CTNND1: variants seen among roughly 807,000 people sequenced by gnomAD.
CTNND1 encodes the protein catenin delta-1.
CTNND1 carries 16 observed loss-of-function variants against 112.1 expected under a neutral mutation model. That is an observed-to-expected ratio of 0.14 (90% confidence interval 0.10 to 0.22). The LOEUF is 0.22. Ranked by LOEUF, CTNND1 falls within the 10% of genes least tolerant of loss-of-function variation. CTNND1 has a pLI of 1.00. For synonymous variants in CTNND1, 420 were observed against 446.5 expected (o/e 0.94, Z 0.75); for missense variants, 1,008 against 1,257.0 (o/e 0.80, Z 3.00).
intron 8 of CTNND1, 65 bp from the exon 9 acceptor site, chr11:57,804,598 T>G: frequency 8.4e-7 from 1 of 1,185,652 alleles, no homozygotes; most frequent in Non-Finnish European, 1.2e-6. Flanking sequence ...CTTGTAGGTG[T>G]TGAGGGATAT....
chr11:57,770,217 C>T (rs1005794329), intron 1 of CTNND1, among the ~76,000 whole-genome samples: 4 of 151,956 alleles, frequency 2.6e-5, no homozygotes, highest in African/African-American at 9.7e-5. Flanking sequence ...GTAATCCCAG[C>T]TACTCGGGAA....
At position 57,796,646 on chromosome 11, in the gene CTNND1, A is replaced by C. The variant is rs2061390975; in HGVS notation, c.610A>C (p.Arg204=). ...VGQAGTATLP[R]NFHYPPDGYS... ...GCAAGCTGGCACTGCTACCCTTCCT[A>C]GGAACTTCCACTACCCTCCTGATGG... is the stretch of plus-strand genomic sequence containing the variant. The change falls in exon 6 of 21, where the codon AGG becomes CGG. Residue 204 remains arginine (R), a synonymous_variant. Coordinates refer to ENST00000399050, the MANE Select transcript of CTNND1 (RefSeq NM_001085458.2). 1.9e-6 allele frequency: 3 copies of C among 1,613,868 alleles called. No homozygotes were observed. The African/African-American group carries it at 4.0e-5, about 22-fold the overall frequency.
rs2062059212 is a variant in CTNND1, at chr11:57,802,034, C to T, written c.1258C>T (p.Pro420Ser). The change falls in exon 7 of 21, where the codon CCC becomes TCC. Residue 420 changes from proline (P) to serine (S), a missense_variant. By Grantham distance (74) the Pro-to-Ser change is moderately conservative. Transcript: ENST00000399050. ...AGTACTGGTGGGATTGTTAGACCAT[C>T]CCAAAAAGGAAGTGCACCTTGGAGC... ...IPVLVGLLDH[P>S]KKEVHLGACG... 1 of 1,613,888 alleles carries T rather than the reference C, an allele frequency of 6.2e-7. No homozygotes were observed. Among genetic ancestry groups the T allele is most frequent in the Non-Finnish European group, 8.5e-7 (1 of 1,179,900 alleles).
At chr11:57,793,914 G>T (rs1346796619) in intron 3 of CTNND1, 96 bp from the exon 4 acceptor site, 1 of 1,218,046 alleles carries the variant, frequency 8.2e-7, no homozygotes, top group East Asian at 2.3e-5. Context: ...ATATCTTCTT[G>T]AAAGCCCTTT....
At chr11:57,804,449 T>C (rs1038433391) in intron 8 of CTNND1, among the ~76,000 whole-genome samples, 1 of 152,216 alleles carries the variant, frequency 6.6e-6, no homozygotes, top group African/African-American at 2.4e-5. Flanking sequence ...CTGCATCTGG[T>C]ACATATCATT....
chr11:57,815,840 G>C (rs1485956117), intron 19 of CTNND1, 75 bp from the exon 20 acceptor site: 6 of 1,296,130 alleles, frequency 4.6e-6, no homozygotes, highest in Non-Finnish European at 6.5e-6. Context: ...CAAATTTTCA[G>C]AGTTTCCCTA....
Position 57,815,922 on chromosome 11 carries a change from A to AG in CTNND1, c.2820dup (p.Gln941AlafsTer15). The AG allele has an allele frequency of 6.2e-7, 1 of 1,607,990 alleles. No individual in the cohort carries two copies. Among genetic ancestry groups the AG allele is most frequent in the Admixed American group, 1.7e-5 (1 of 58,150 alleles). Reference sequence around the variant, plus strand: ...AATTGCATGTGTTCACAGCAGGACGAGGGGCAGGAATCTCTGGAGGAAGAG... The same window carrying AG: ...AATTGCATGTGTTCACAGCAGGACGAGGGGGCAGGAATCTCTGGAGGAAGAG... On this transcript the variant is annotated frameshift_variant, in exon 20 of 21. Transcript: ENST00000399050. LOFTEE classifies it high-confidence loss of function.
rs373027764 is a variant in CTNND1 at position 57,801,713 on chromosome 11, G to T, written c.957-20G>T. ...CATAATGACTTGATGTATTCTCTTG[G>T]TTCTTCCAAAACTTCTCAGGAGCTA... On this transcript the variant is annotated intron_variant, in intron 6 of 20. Coordinates refer to ENST00000399050, the MANE Select transcript of CTNND1 (RefSeq NM_001085458.2). The T allele has an allele frequency of 1.3e-6, 2 of 1,595,170 alleles. No individual in the cohort carries two copies. The highest frequency in any genetic ancestry group is 2.7e-5 in the African/African-American group (2 of 74,414).
chr11:57,798,869 G>C (rs1311040021), intron 6 of CTNND1, among the ~76,000 whole-genome samples: 1 of 152,162 alleles, frequency 6.6e-6, no homozygotes, highest in Non-Finnish European at 1.5e-5. Flanking sequence ...ACAAAAACAG[G>C]TTTGGCCCAT....
At chr11:57,793,300 CAG>C (rs11570191) in intron 3 of CTNND1, 37,913 of 152,042 alleles carry the variant, frequency 0.25, 5,519 homozygotes, top group Non-Finnish European at 0.33. Context: ...CTGCTTAAGA[CAG>C]AGCAACTTCT....
chr11:57,765,921 G>A (rs1443483718), intron 1 of CTNND1, among the ~76,000 whole-genome samples: 11 of 152,084 alleles, frequency 7.2e-5, no homozygotes, highest in African/African-American at 2.4e-4. Context: ...CTGTGATCCC[G>A]GCAGTTTGGG....
intron 1 of CTNND1, among the ~76,000 whole-genome samples, chr11:57,772,271 C>T (rs541526352): frequency 1.3e-4 from 20 of 152,144 alleles, no homozygotes; most frequent in African/African-American, 4.8e-4. Context: ...GTATATTTCT[C>T]CATCTTCTTA....
chr11:57,787,001 G>C (rs1345982817), intron 1 of CTNND1, among the ~76,000 whole-genome samples: 1 of 152,114 alleles, frequency 6.6e-6, no homozygotes, highest in African/African-American at 2.4e-5. Flanking sequence ...GCATAGACCT[G>C]GGTTTAAATT....
intron 6 of CTNND1, among the ~76,000 whole-genome samples, chr11:57,797,862 AAC>A (rs1491286327): frequency 1.3e-5 from 2 of 150,112 alleles, no homozygotes; most frequent in African/African-American, 4.9e-5. Flanking sequence ...AAAAAAAAAA[AAC>A]AACTTGTGAT....
chr11:57,796,935 C>T lies in CTNND1; in HGVS notation c.899C>T (p.Ser300Phe). The change falls in exon 6 of 21, where the codon TCT becomes TTT. Residue 300 changes from serine (S) to phenylalanine (F), a missense_variant. Transcript: ENST00000399050. ...GATGACCTGGATTATGGTATGATGT[C>T]TGATTATGGCACTGCCCGTCGGACT... ...GYDDLDYGMMSDYGTARRTGT... is the reference protein window; with the variant it reads ...GYDDLDYGMMFDYGTARRTGT... 1.9e-6 allele frequency: 3 copies of T among 1,556,982 alleles called. No homozygotes were observed. The highest frequency in any genetic ancestry group is 1.2e-5 in the South Asian group (1 of 84,332).
Position 57,808,521 on chromosome 11 carries a change from T to G in CTNND1, c.2223T>G (p.Ala741=), listed in dbSNP as rs371022268. 4.8e-5 allele frequency: 77 copies of G among 1,603,520 alleles called. No homozygotes were observed. Among genetic ancestry groups the G allele is most frequent in the Non-Finnish European group, 6.5e-5 (76 of 1,176,422 alleles). The part of the protein sequence containing the change: ...SGALRNLAVD[A]RNKELIGKHA... ...CACTGAGAAACCTGGCTGTGGATGC[T>G]CGCAACAAAGAATTAATTGGTGAGG... Residue 741 remains alanine, a synonymous_variant, in exon 14 of 21, where the codon GCT becomes GCG. Coordinates refer to ENST00000399050, the MANE Select transcript of CTNND1 (RefSeq NM_001085458.2).
At chr11:57,789,373 G>A (rs2060455611) in intron 2 of CTNND1, among the ~76,000 whole-genome samples, 1 of 152,078 alleles carries the variant, frequency 6.6e-6, no homozygotes, top group African/African-American at 2.4e-5. Flanking sequence ...ATAGCTATAA[G>A]AGAGAAAAAA....
At chr11:57,798,203 C>T (rs1591524708) in intron 6 of CTNND1, among the ~76,000 whole-genome samples, 2 of 151,152 alleles carry the variant, frequency 1.3e-5, no homozygotes, top group South Asian at 2.1e-4. Flanking sequence ...AAAAATTAGC[C>T]GGGTGTTGTG....
intron 8 of CTNND1, among the ~76,000 whole-genome samples, chr11:57,804,390 T>C (rs1039946269): frequency 6.6e-6 from 1 of 152,214 alleles, no homozygotes; most frequent in Non-Finnish European, 1.5e-5. Flanking sequence ...CCATTCTACA[T>C]ATGTATTATA....
Sources: allele counts gnomAD v4.1 joint callset (sites outside exome capture counted in the v4.1 genomes callset), GRCh38; gene constraint gnomAD v4.1.1; transcripts MANE v1.5; gene names NCBI Gene and HGNC (gene_info 2026-07-23, HGNC 2026-07-21).